DPYD: variants seen among roughly 807,000 people sequenced by gnomAD.
DPYD encodes the protein dihydropyrimidine dehydrogenase [NADP(+)].
In DPYD, 109 loss-of-function variants were observed where a neutral mutation model predicts 116.2. The ratio of observed to expected loss-of-function variants is 0.94; its 90% CI spans 0.80 to 1.10. The LOEUF is 1.10. DPYD is among the 50% of genes least tolerant of loss of function. The probability of loss-of-function intolerance (pLI) is 0.00; values close to 1 mark genes in which losing one functional copy is unlikely to be tolerated. For missense variants in DPYD, 1,302 were observed against 1,254.5 expected, an observed-to-expected ratio of 1.04 and a Z score of -0.57; for synonymous variants, 440 against 432.0, an observed-to-expected ratio of 1.02 and a Z score of -0.23.
intron 3 of DPYD, among the ~76,000 whole-genome samples, chr1:97,786,389 G>A (rs537786379): frequency 6.6e-5 from 10 of 152,144 alleles, no homozygotes; most frequent in Non-Finnish European, 1.0e-4. Context: ...TCACTTTTAC[G>A]CAAAAGACAT....
At position 97,550,046 on chromosome 1, in the gene DPYD, T is replaced by C. The variant is rs115580306; in HGVS notation, c.1340-302A>G. Among the ~76,000 whole-genome samples the C allele has an allele frequency of 6.9e-3, 1,056 of 152,256 alleles. 19 individuals are homozygous for C. Among genetic ancestry groups the C allele is most frequent in the African/African-American group, 0.023 (968 of 41,532 alleles). On this transcript the variant is annotated intron_variant, in intron 11 of 22. Transcript: ENST00000370192. ...CTATAAAGAAGGAAAGTACAACCTTTTAAATACATACAAAATACATTTTTC... is the reference window on the plus strand; with the variant it reads ...CTATAAAGAAGGAAAGTACAACCTTCTAAATACATACAAAATACATTTTTC...
intron 22 of DPYD, among the ~76,000 whole-genome samples, chr1:97,079,453 T>C (rs1649004246): frequency 6.6e-6 from 1 of 152,116 alleles, no homozygotes; most frequent in Non-Finnish European, 1.5e-5. Flanking sequence ...AGAGTTCGGG[T>C]CTTTCCAGTT....
At chr1:97,244,543 T>C (rs1373633993) in intron 18 of DPYD, among the ~76,000 whole-genome samples, 1 of 152,038 alleles carries the variant, frequency 6.6e-6, no homozygotes, top group Non-Finnish European at 1.5e-5. Flanking sequence ...AAGGACATTA[T>C]TGCTATTTCC....
chr1:97,262,736 A>G (rs1663970507), intron 18 of DPYD, among the ~76,000 whole-genome samples: 1 of 152,054 alleles, frequency 6.6e-6, no homozygotes, highest in African/African-American at 2.4e-5. Flanking sequence ...TGAAAATTAT[A>G]AGACATTTTC....
intron 12 of DPYD, chr1:97,546,190 C>G: frequency 6.6e-7 from 1 of 1,505,516 alleles, no homozygotes; most frequent in Non-Finnish European, 9.2e-7. Flanking sequence ...CAGGGTGAAA[C>G]TAACAAGAAC....
At chr1:97,377,657 T>A (rs189435764) in intron 15 of DPYD, among the ~76,000 whole-genome samples, 17 of 152,342 alleles carry the variant, frequency 1.1e-4, no homozygotes, top group African/African-American at 4.1e-4. Context: ...ACATATACAA[T>A]GAAATCATGC....
intron 13 of DPYD, among the ~76,000 whole-genome samples, chr1:97,498,927 A>G (rs1050129372): frequency 6.6e-6 from 1 of 151,672 alleles, no homozygotes; most frequent in East Asian, 1.9e-4. Flanking sequence ...TTTTTTCTTA[A>G]AAGTTATGAT....
At position 97,823,671 on chromosome 1, in the gene DPYD, C is replaced by CT. The variant is rs1012011646; in HGVS notation, c.233+4442dup. 1.1e-4 allele frequency among the ~76,000 whole-genome samples: 17 copies of CT among 148,122 alleles called. 1 individual carries two copies. Among genetic ancestry groups the CT allele is most frequent in the South Asian group, 6.5e-4 (3 of 4,646 alleles). On this transcript the variant is annotated intron_variant, in intron 3 of 22. Transcript: ENST00000370192. ...TCCATTTTCTTGCAAATGACGGAAG[C>CT]TTTTTTTTTTATTATTGGAATCAAA...
intron 6 of DPYD, 127 bp downstream of exon 6, chr1:97,699,224 G>A (rs1661459605): frequency 1.9e-6 from 2 of 1,042,724 alleles, no homozygotes; most frequent in Non-Finnish European, 2.8e-6. Flanking sequence ...TGAACATTTG[G>A]AAAAAGAACA....
rs145666081 is a variant in DPYD at position 97,467,480 on chromosome 1, G to A, written c.1741-17257C>T. Among the ~76,000 whole-genome samples, 16 of 152,308 alleles carry A rather than the reference G, an allele frequency of 1.1e-4. 4 individuals are homozygous for A. Among genetic ancestry groups the A allele is most frequent in the African/African-American group, 3.8e-4 (16 of 41,560 alleles). On this transcript the variant is annotated intron_variant, in intron 13 of 22. Transcript: ENST00000370192. Reference sequence around the variant, plus strand: ...CATGTATTGATTTACAATTTTGCCTGTAACTTCTGCTTTCCTGAAATTTAC... The same window carrying A: ...CATGTATTGATTTACAATTTTGCCTATAACTTCTGCTTTCCTGAAATTTAC...
chr1:97,509,452 C>A (rs1043475690), intron 13 of DPYD, among the ~76,000 whole-genome samples: 8 of 151,838 alleles, frequency 5.3e-5, no homozygotes, highest in African/African-American at 1.9e-4. Context: ...GGTGACAGAA[C>A]AATTGGCAAG....
intron 14 of DPYD, among the ~76,000 whole-genome samples, chr1:97,431,171 G>A (rs1675158390): frequency 6.6e-6 from 1 of 152,070 alleles, no homozygotes; most frequent in Non-Finnish European, 1.5e-5. Flanking sequence ...GAGAAAAAAT[G>A]TTTTGTGAGA....
chr1:97,323,254 T>G (rs12402535), intron 16 of DPYD, among the ~76,000 whole-genome samples: 2 of 98,146 alleles, frequency 2.0e-5, no homozygotes, highest in African/African-American at 7.1e-5. Flanking sequence ...ATTTATATAC[T>G]TATATACATA....
intron 11 of DPYD, among the ~76,000 whole-genome samples, chr1:97,565,785 A>C (rs1446858546): frequency 9.2e-5 from 14 of 152,184 alleles, no homozygotes. Context: ...AGTGCCTGGA[A>C]CACAGTTGTG....
At chr1:97,767,325 C>T (rs955282989) in intron 3 of DPYD, among the ~76,000 whole-genome samples, 3 of 152,092 alleles carry the variant, frequency 2.0e-5, no homozygotes, top group African/African-American at 7.2e-5. Flanking sequence ...TTACCCTTCC[C>T]TGTATTCATA....
At chr1:97,394,644 GTA>G (rs1437453606) in intron 14 of DPYD, among the ~76,000 whole-genome samples, 6 of 152,030 alleles carry the variant, frequency 3.9e-5, no homozygotes, top group African/African-American at 1.4e-4. Flanking sequence ...TGAAGTGAGT[GTA>G]TGCTGTTTGA....
intron 1 of DPYD, among the ~76,000 whole-genome samples, chr1:97,907,472 T>C (rs1258976778): frequency 2.0e-5 from 3 of 152,084 alleles, no homozygotes; most frequent in Admixed American, 2.0e-4. Context: ...CTCGATTTTA[T>C]AGATGGGGAA....
At chr1:97,682,411 G>C (rs1045745059) in intron 7 of DPYD, among the ~76,000 whole-genome samples, 1 of 151,790 alleles carries the variant, frequency 6.6e-6, no homozygotes, top group East Asian at 1.9e-4. Flanking sequence ...CAGGCACAAG[G>C]CTTCCTTCCT....
At chr1:97,706,203 G>T (rs988284367) in intron 5 of DPYD, among the ~76,000 whole-genome samples, 1 of 151,678 alleles carries the variant, frequency 6.6e-6, no homozygotes, top group African/African-American at 2.4e-5. Flanking sequence ...AACAAAAATA[G>T]CTGGTTATTA....
Sources: gnomAD v4.1 joint callset for allele counts (sites outside exome capture counted in the v4.1 genomes callset) on GRCh38, gnomAD v4.1.1 for gene constraint, MANE v1.5 for transcripts, NCBI Gene and HGNC (gene_info 2026-07-23, HGNC 2026-07-21) for gene names.